RNF144B: variants seen among roughly 807,000 people sequenced by gnomAD.
RNF144B encodes the protein E3 ubiquitin-protein ligase RNF144B.
Under a neutral mutation model 40.2 loss-of-function variants are expected in RNF144B, and 25 were observed. That is an observed-to-expected ratio of 0.62 (90% CI 0.45 to 0.87). RNF144B has a LOEUF of 0.87. RNF144B is among the 40% of genes least tolerant of loss of function. The pLI, the probability that RNF144B is intolerant of heterozygous loss-of-function variation, is 0.00. For synonymous variants in RNF144B, 145 were observed against 136.3 expected, an observed-to-expected ratio of 1.06 and a Z score of -0.44; for missense variants, 365 against 373.7, an observed-to-expected ratio of 0.98 and a Z score of 0.19.
rs985114642 is a variant in RNF144B, at chr6:18,464,736, T to C, written c.772-191T>C. Among the ~76,000 whole-genome samples the C allele has an allele frequency of 6.6e-6, 1 of 152,202 alleles. No individual in the cohort carries two copies. Among genetic ancestry groups the C allele is most frequent in the Admixed American group, 6.5e-5 (1 of 15,284 alleles). The stretch of plus-strand genomic sequence containing the variant: ...AGCACCAATCCCATCATGAGGGCCC[T>C]GCCCTCATAAACCAACTAACTTCTA... On this transcript the variant is annotated intron_variant, in intron 7 of 7. Coordinates refer to ENST00000259939, the MANE Select transcript of RNF144B (RefSeq NM_182757.4). This position sits in a 1 kb window ranked among gnomAD's most constrained non-coding sequence, Gnocchi z 6.1.
chr6:18,402,667 A>G (rs1794816405), intron 2 of RNF144B, among the ~76,000 whole-genome samples: 1 of 152,226 alleles, frequency 6.6e-6, no homozygotes, highest in Non-Finnish European at 1.5e-5. Flanking sequence ...TTTGAGTGGA[A>G]CATCTATTGC....
intron 1 of RNF144B, among the ~76,000 whole-genome samples, chr6:18,396,059 G>A (rs1016031252): frequency 2.0e-5 from 3 of 152,144 alleles, no homozygotes; most frequent in Non-Finnish European, 4.4e-5. Flanking sequence ...TCTCTGCTAT[G>A]TAAAGGTTTT....
intron 1 of RNF144B, among the ~76,000 whole-genome samples, chr6:18,393,433 T>C (rs962390875): frequency 3.9e-5 from 6 of 152,298 alleles, no homozygotes; most frequent in African/African-American, 1.4e-4. Context: ...GCCATTGTAT[T>C]TGGATTGTAT....
intron 6 of RNF144B, 68 bp from the exon 7 acceptor site, chr6:18,463,223 A>G: frequency 9.9e-7 from 1 of 1,011,310 alleles, no homozygotes; most frequent in Non-Finnish European, 1.6e-6. Context: ...TGGTGATCTG[A>G]TGTGGTCTGT....
At chr6:18,415,576 G>A (rs1340373808) in intron 2 of RNF144B, among the ~76,000 whole-genome samples, 1 of 152,130 alleles carries the variant, frequency 6.6e-6, no homozygotes, top group Non-Finnish European at 1.5e-5. Context: ...CAGTTTTAAC[G>A]TAAATTTTGA....
chr6:18,419,447 G>T lies in RNF144B; in HGVS notation c.166-8134G>T, dbSNP rs943223225. On this transcript the variant is annotated intron_variant, in intron 2 of 7. Transcript: ENST00000259939. This position sits in a 1 kb window ranked among gnomAD's most constrained non-coding sequence, Gnocchi z 4.6. ...GCGACCCAGGAAGAAAGTGTAGAAA[G>T]AAGAGAGTTTAGGTCCTTTCCTGAA... Among the ~76,000 whole-genome samples, 4 of 152,158 alleles carry T rather than the reference G, an allele frequency of 2.6e-5. No individual in the cohort carries two copies. Among genetic ancestry groups the T allele is most frequent in the African/African-American group, 9.7e-5 (4 of 41,444 alleles).
chr6:18,425,553 TG>T lies in RNF144B; in HGVS notation c.166-2027del, dbSNP rs1417022949. ...GCTCTCTTCTATGTCCCACTGCTGCTGCTGCTGGATACCATGTTTGGCACAG... is the reference window on the plus strand; with the variant it reads ...GCTCTCTTCTATGTCCCACTGCTGCTCTGCTGGATACCATGTTTGGCACAG... On this transcript the variant is annotated intron_variant, in intron 2 of 7. Coordinates refer to ENST00000259939, the MANE Select transcript of RNF144B (RefSeq NM_182757.4). This position sits in a 1 kb window ranked among gnomAD's most constrained non-coding sequence, Gnocchi z 4.2. Among the ~76,000 whole-genome samples, 1 of 152,226 alleles carries T rather than the reference TG, an allele frequency of 6.6e-6. No homozygotes were observed. The highest frequency in any genetic ancestry group is 6.5e-5 in the Admixed American group (1 of 15,278).
At position 18,391,513 on chromosome 6, in the gene RNF144B, A is replaced by G. The variant is rs570656474; in HGVS notation, c.-37+3883A>G. 2.6e-5 allele frequency among the ~76,000 whole-genome samples: 4 copies of G among 152,248 alleles called. No individual in the cohort carries two copies. The South Asian group carries it at 8.3e-4, about 32-fold the overall frequency. On this transcript the variant is annotated intron_variant, in intron 1 of 7. Coordinates refer to ENST00000259939, the MANE Select transcript of RNF144B (RefSeq NM_182757.4). ...TTTGGAAAACTGGGAATGGATTTCT[A>G]CCTCTTGGGCCTTACCCTGTAGGGT...
At position 18,459,801 on chromosome 6, in the gene RNF144B, AC is replaced by A; in HGVS notation, c.681+52del. Reference sequence around the variant, plus strand: ...ATGGTGTTTCCTATACTGTATCTGCACCACAGCTGATATCCTACAGATTTTC... The same window carrying A: ...ATGGTGTTTCCTATACTGTATCTGCACACAGCTGATATCCTACAGATTTTC... On this transcript the variant is annotated intron_variant, in intron 6 of 7. Transcript: ENST00000259939. The surrounding 1 kb of genome is among the most constrained non-coding windows in gnomAD (Gnocchi z 4.2). 1 of 1,495,416 alleles carries A rather than the reference AC, an allele frequency of 6.7e-7. No homozygotes were observed. The highest frequency in any genetic ancestry group is 1.8e-4 in the Middle Eastern group (1 of 5,614). The allele number at this position is 1,495,416 out of a possible 1,614,324, so 92.6% of individuals were successfully genotyped here.
At chr6:18,449,470 G>C (rs1289583555) in intron 4 of RNF144B, among the ~76,000 whole-genome samples, 2 of 151,982 alleles carry the variant, frequency 1.3e-5, no homozygotes, top group East Asian at 3.9e-4. Context: ...ATAATACATA[G>C]ACAAGAGATA....
At position 18,460,894 on chromosome 6, in the gene RNF144B, T is replaced by C. The variant is rs1333427877; in HGVS notation, c.681+1143T>C. On this transcript the variant is annotated intron_variant, in intron 6 of 7. Transcript: ENST00000259939. This position sits in a 1 kb window ranked among gnomAD's most constrained non-coding sequence, Gnocchi z 4.4. ...CATAAGTTGTTTATAGATAACACTCTGTTTTGGCAATTTGGACCTCTAAAA... is the reference window on the plus strand; with the variant it reads ...CATAAGTTGTTTATAGATAACACTCCGTTTTGGCAATTTGGACCTCTAAAA... Among the ~76,000 whole-genome samples the C allele has an allele frequency of 6.6e-6, 1 of 152,252 alleles. No individual in the cohort carries two copies. The highest frequency in any genetic ancestry group is 1.5e-5 in the Non-Finnish European group (1 of 68,036).
intron 3 of RNF144B, among the ~76,000 whole-genome samples, chr6:18,432,743 C>T (rs1177912059): frequency 6.6e-6 from 1 of 152,298 alleles, no homozygotes; most frequent in East Asian, 1.9e-4. Flanking sequence ...ATTACATGGC[C>T]TGAGAGTTTT....
Position 18,414,554 on chromosome 6 carries a change from C to A in RNF144B, c.166-13027C>A, listed in dbSNP as rs922899673. On this transcript the variant is annotated intron_variant, in intron 2 of 7. Transcript: ENST00000259939. The surrounding 1 kb of genome is among the most constrained non-coding windows in gnomAD (Gnocchi z 4.9). ...AAAATTCAGATAGTTATTAATATTG[C>A]TACCACTAGTTTTATTTAAAAATGT... Among the ~76,000 whole-genome samples, 5 of 152,092 alleles carry A rather than the reference C, an allele frequency of 3.3e-5. No homozygotes were observed. Among genetic ancestry groups the A allele is most frequent in the African/African-American group, 1.2e-4 (5 of 41,414 alleles).
intron 3 of RNF144B, among the ~76,000 whole-genome samples, chr6:18,437,258 G>A (rs1758845658): frequency 1.3e-5 from 2 of 152,128 alleles, no homozygotes; most frequent in South Asian, 2.1e-4. Flanking sequence ...GGGCAACATA[G>A]CGAGACCCCA....
rs1220800114 is a variant in RNF144B, at chr6:18,405,197, G to A, written c.165+5498G>A. ...TTATTGTTATTATTATTTTTGAGAT[G>A]GAGTCTTGCTCTGTTGCCCAGGCTG... On this transcript the variant is annotated intron_variant, in intron 2 of 7. Transcript: ENST00000259939. The surrounding 1 kb of genome is among the most constrained non-coding windows in gnomAD (Gnocchi z 4.5). Among the ~76,000 whole-genome samples the A allele has an allele frequency of 1.6e-5, 2 of 122,542 alleles. No homozygotes were observed. Among genetic ancestry groups the A allele is most frequent in the African/African-American group, 7.1e-5 (2 of 28,046 alleles). The allele number at this position is 122,542 out of a possible 152,430, so 80.4% of individuals were successfully genotyped here.
At chr6:18,423,831 A>G (rs889668215) in intron 2 of RNF144B, among the ~76,000 whole-genome samples, 2 of 152,206 alleles carry the variant, frequency 1.3e-5, no homozygotes, top group African/African-American at 4.8e-5. Flanking sequence ...ACTAAGTAAA[A>G]TGTTGACTAT....
In RNF144B at chr6:18,395,364, G is replaced by C. The variant is rs186220328; in HGVS notation, c.-36-4135G>C. Among the ~76,000 whole-genome samples, 64 of 152,238 alleles carry C rather than the reference G, an allele frequency of 4.2e-4. No individual in the cohort carries two copies. The highest frequency in any genetic ancestry group is 3.4e-3 in the Middle Eastern group (1 of 294). ...GGGAGTGTGTTATCAAATGCCCTGAGCTTCCTGAGGCTCTACTATTGGGGG... is the reference window on the plus strand; with the variant it reads ...GGGAGTGTGTTATCAAATGCCCTGACCTTCCTGAGGCTCTACTATTGGGGG... On this transcript the variant is annotated intron_variant, in intron 1 of 7. Coordinates refer to ENST00000259939, the MANE Select transcript of RNF144B (RefSeq NM_182757.4). The surrounding 1 kb of genome is among the most constrained non-coding windows in gnomAD (Gnocchi z 4.5).
intron 6 of RNF144B, 139 bp from the exon 7 acceptor site, chr6:18,463,152 C>A: frequency 1.7e-6 from 1 of 596,240 alleles, no homozygotes; most frequent in Non-Finnish European, 3.0e-6. Context: ...ATAAAGATTA[C>A]AGGCTTGGAA....
At chr6:18,455,955 C>T (rs1019113530) in intron 4 of RNF144B, among the ~76,000 whole-genome samples, 7 of 151,892 alleles carry the variant, frequency 4.6e-5, no homozygotes, top group Admixed American at 1.3e-4. Context: ...CGGAGTCTTG[C>T]TCTGTTGCCC....
Sources: gnomAD v4.1 joint callset for allele counts (sites outside exome capture counted in the v4.1 genomes callset) on GRCh38, gnomAD v4.1.1 for gene constraint, Gnocchi (gnomAD v3.1) non-coding constraint, MANE v1.5 for transcripts, NCBI Gene and HGNC (gene_info 2026-07-23, HGNC 2026-07-21) for gene names.